The following SARNP variants were observed in gnomAD, a reference collection of about 807,000 sequenced individuals.
The protein encoded by SARNP is SAP domain containing ribonucleoprotein, also known as SAP domain-containing ribonucleoprotein.
Under a neutral mutation model 38.1 loss-of-function variants are expected in SARNP, and 5 were observed. That is an observed-to-expected ratio of 0.13 (90% CI 0.07 to 0.28). The LOEUF is 0.28. Ranked by LOEUF, SARNP falls within the 10% of genes least tolerant of loss-of-function variation. The pLI is 1.00. For missense variants in SARNP, 180 were observed against 243.9 expected, an observed-to-expected ratio of 0.74 and a Z score of 1.75; for synonymous variants, 84 against 80.6, an observed-to-expected ratio of 1.04 and a Z score of -0.23.
chr12:55,800,900 G>A lies in SARNP; in HGVS notation c.137C>T (p.Ala46Val). The change falls in exon 3 of 11, where the codon GCT becomes GTT. Residue 46 changes from alanine to valine, a missense_variant and splice_region_variant. By Grantham distance (64) the Ala-to-Val change is moderately conservative (BLOSUM62 0). Around this residue, in one of 2 missense-constraint regions of SARNP, gnomAD observed 161 missense variants for 194.1 expected, o/e 0.83. Coordinates refer to ENST00000336133, the MANE Select transcript of SARNP (RefSeq NM_033082.4). The part of the protein sequence containing the change: ...HRLQAYLEEH[A>V]EEEANEEDVL... ...ATCTTCTTCATTTGCCTCCTCTTCA[G>A]CTAAAGAATATTAAAATATTCAGGT... The A allele has an allele frequency of 6.2e-7, 1 of 1,611,210 alleles. No homozygotes were observed. The highest frequency in any genetic ancestry group is 8.5e-7 in the Non-Finnish European group (1 of 1,177,584).
intron 9 of SARNP, among the ~76,000 whole-genome samples, chr12:55,769,295 T>C (rs1423520809): frequency 6.6e-6 from 1 of 152,168 alleles, no homozygotes; most frequent in Non-Finnish European, 1.5e-5. Flanking sequence ...AGTAGTCAAA[T>C]GAGTATCTAC....
At chr12:55,773,744 CTT>C (rs1430897253) in intron 9 of SARNP, among the ~76,000 whole-genome samples, 3 of 152,144 alleles carry the variant, frequency 2.0e-5, no homozygotes, top group Non-Finnish European at 2.9e-5. Context: ...GAGTTTTGCT[CTT>C]GTCGCCCAGG....
In SARNP at chr12:55,781,138, T is replaced by C. The variant is rs984477257; in HGVS notation, c.501+7937A>G. Among the ~76,000 whole-genome samples, 3 of 152,148 alleles carry C rather than the reference T, an allele frequency of 2.0e-5. No homozygotes were observed. In the South Asian group the frequency reaches 6.2e-4, roughly 32 times the overall value. ...AATAGGCCCTCCAGAAGAGAATGAA[T>C]TGAGAAAACAGCATGCCATCAGTTA... On this transcript the variant is annotated intron_variant, in intron 9 of 10. Coordinates refer to ENST00000336133, the MANE Select transcript of SARNP (RefSeq NM_033082.4).
At chr12:55,796,907 A>T (rs1265847328) in intron 4 of SARNP, among the ~76,000 whole-genome samples, 1 of 152,214 alleles carries the variant, frequency 6.6e-6, no homozygotes, top group East Asian at 1.9e-4. Context: ...TAGGAAGAAA[A>T]AAGTCTAAGG....
intron 1 of SARNP, among the ~76,000 whole-genome samples, chr12:55,809,611 G>GGCATGGTAGT (rs11282494): frequency 0.99 from 150,928 of 151,968 alleles, 74,959 homozygotes; most frequent in Middle Eastern, 1. Flanking sequence ...AAACTAGCCA[G>GGCATGGTAGT]GCACACTTGT....
chr12:55,758,482 T>C (rs1316356345), intron 10 of SARNP, among the ~76,000 whole-genome samples: 1 of 151,848 alleles, frequency 6.6e-6, no homozygotes, highest in African/African-American at 2.4e-5. Flanking sequence ...CCGTCTCTAC[T>C]AAAAACACAA....
At chr12:55,791,525 T>C (rs1485599452) in intron 7 of SARNP, among the ~76,000 whole-genome samples, 2 of 152,050 alleles carry the variant, frequency 1.3e-5, no homozygotes, top group Non-Finnish European at 2.9e-5. Context: ...TGAAATCCCA[T>C]CTCTACTACA....
chr12:55,760,640 A>T lies in SARNP; in HGVS notation c.502T>A (p.Ser168Thr). The T allele has an allele frequency of 6.2e-7, 1 of 1,605,136 alleles. No homozygotes were observed. The highest frequency in any genetic ancestry group is 8.5e-7 in the Non-Finnish European group (1 of 1,172,164). ...TTTTTCAGTTTCTCATCATCTTCAGACTGTTCAAGGACAAAGGAAAGAGTT... is the reference window on the plus strand; with the variant it reads ...TTTTTCAGTTTCTCATCATCTTCAGTCTGTTCAAGGACAAAGGAAAGAGTT... ...GLNVSSISRKSEDDEKLKKRK... is the reference protein window; with the variant it reads ...GLNVSSISRKTEDDEKLKKRK... Residue 168 changes from serine to threonine, a missense_variant and splice_region_variant, in exon 10 of 11, where the codon TCT becomes ACT. This residue lies in a region of SARNP where 161 missense variants were observed against 194.1 expected (regional missense o/e 0.83). Coordinates refer to ENST00000336133, the MANE Select transcript of SARNP (RefSeq NM_033082.4).
chr12:55,807,111 C>T (rs1423107095), intron 1 of SARNP, among the ~76,000 whole-genome samples: 1 of 152,136 alleles, frequency 6.6e-6, no homozygotes, highest in Non-Finnish European at 1.5e-5. Context: ...AATAGGTAGG[C>T]TGATAAGGTT....
intron 9 of SARNP, among the ~76,000 whole-genome samples, chr12:55,779,561 T>A (rs2136188778): frequency 6.6e-6 from 1 of 152,310 alleles, no homozygotes; most frequent in African/African-American, 2.4e-5. Flanking sequence ...TAGCTTATGG[T>A]TCCTTAGGTT....
chr12:55,788,945 G>A, intron 9 of SARNP, 130 bp downstream of exon 9: 2 of 675,676 alleles, frequency 3.0e-6, no homozygotes, highest in Non-Finnish European at 5.3e-6. Flanking sequence ...GGAGGTGACA[G>A]TCAATCAAGT....
chr12:55,809,079 G>A (rs1242015033), intron 1 of SARNP, among the ~76,000 whole-genome samples: 1 of 151,910 alleles, frequency 6.6e-6, no homozygotes, highest in Non-Finnish European at 1.5e-5. Context: ...GGTGGCATGT[G>A]CCTGTAGTCC....
Position 55,757,548 on chromosome 12 carries a change from C to T in SARNP, c.597G>A (p.Lys199=). The T allele has an allele frequency of 6.2e-7, 1 of 1,609,114 alleles. No homozygotes were observed. The highest frequency in any genetic ancestry group is 1.1e-5 in the South Asian group (1 of 90,104). The part of the protein sequence containing the change: ...GTGTTEDTEA[K]KRKRAERFGI... ...CAAAGCGCTCTGCTCTTTTCCTCTT[C>T]TTTGCCTGTAAAGAAGAAGCAAGAA... Residue 199 remains lysine, a synonymous_variant, in exon 11 of 11, where the codon AAG becomes AAA. Transcript: ENST00000336133.
intron 9 of SARNP, among the ~76,000 whole-genome samples, chr12:55,770,561 A>G (rs906313596): frequency 4.6e-5 from 7 of 152,078 alleles, no homozygotes; most frequent in Admixed American, 3.3e-4. Flanking sequence ...TTTTAAATTA[A>G]GGGTTCTTAG....
Position 55,789,155 on chromosome 12 carries a change from T to G in SARNP, c.433-12A>C, listed in dbSNP as rs201725713. On this transcript the variant is annotated splice_polypyrimidine_tract_variant and intron_variant, in intron 8 of 10. Transcript: ENST00000336133. ...TTATCCAAGTTAACCTATAAAAACA[T>G]AGGGGAAAGAACATAGTTTTAAAAA... is the stretch of plus-strand genomic sequence containing the variant. 3 of 1,566,316 alleles carry G rather than the reference T, an allele frequency of 1.9e-6. No homozygotes were observed. In the African/African-American group the frequency reaches 4.1e-5, roughly 22 times the overall value.
chr12:55,784,305 C>T (rs1386711460), intron 9 of SARNP, among the ~76,000 whole-genome samples: 1 of 152,172 alleles, frequency 6.6e-6, no homozygotes, highest in East Asian at 1.9e-4. Flanking sequence ...AAAGTATGCT[C>T]ATCTGGCAGT....
chr12:55,757,746 A>T (rs1878556207), intron 10 of SARNP, among the ~76,000 whole-genome samples, 193 bp from the exon 11 acceptor site: 1 of 152,156 alleles, frequency 6.6e-6, no homozygotes, highest in Non-Finnish European at 1.5e-5. Context: ...TAGGAGCTGG[A>T]AAGTTTAATG....
intron 10 of SARNP, among the ~76,000 whole-genome samples, chr12:55,759,518 C>T (rs1878611039): frequency 6.6e-6 from 1 of 151,556 alleles, no homozygotes; most frequent in African/African-American, 2.4e-5. Context: ...TCAAGAGATT[C>T]TCATGCCTCG....
At chr12:55,761,950 C>G (rs1481346101) in intron 9 of SARNP, 2 of 152,214 alleles carry the variant, frequency 1.3e-5, no homozygotes, top group Non-Finnish European at 2.9e-5. Context: ...AGGACAGTTT[C>G]TTTGACTTTA....
Sources: gnomAD v4.1 joint callset for allele counts (sites outside exome capture counted in the v4.1 genomes callset) on GRCh38, gnomAD v4.1.1 for gene constraint, gnomAD v4.1.1 regional missense constraint, MANE v1.5 for transcripts, NCBI Gene and HGNC (gene_info 2026-07-23, HGNC 2026-07-21) for gene names.